Variants in CAMKMT observed in about 807,000 individuals in gnomAD.
CAMKMT encodes the protein calmodulin-lysine N-methyltransferase.
In CAMKMT, 53 loss-of-function variants were observed where a neutral mutation model predicts 48.0. The observed-to-expected ratio is 1.10, with a 90% confidence interval of 0.89 to 1.39. CAMKMT has a LOEUF of 1.39. Ranked by LOEUF, CAMKMT falls within the 40% of genes most tolerant of loss-of-function variation. The pLI is 0.00. For synonymous variants in CAMKMT, 165 were observed against 152.3 expected (o/e 1.08, Z -0.61); for missense variants, 428 against 402.7 (o/e 1.06, Z -0.54).
intron 1 of CAMKMT, among the ~76,000 whole-genome samples, chr2:44,365,734 G>C (rs2104334682): frequency 6.6e-6 from 1 of 152,310 alleles, no homozygotes; most frequent in African/African-American, 2.4e-5. Context: ...ATTACATAGA[G>C]TGAGAGAGGG....
intron 3 of CAMKMT, among the ~76,000 whole-genome samples, chr2:44,608,356 G>A (rs1671414493): frequency 6.6e-6 from 1 of 152,038 alleles, no homozygotes; most frequent in African/African-American, 2.4e-5. Flanking sequence ...ACAGGCATGA[G>A]CCACCGCACC....
intron 7 of CAMKMT, among the ~76,000 whole-genome samples, chr2:44,732,623 C>G (rs904804220): frequency 1.3e-5 from 2 of 152,202 alleles, no homozygotes; most frequent in Non-Finnish European, 2.9e-5. Context: ...GCACATGTCA[C>G]CATGCCCAGC....
chr2:44,698,938 G>T (rs1433710980), intron 3 of CAMKMT, among the ~76,000 whole-genome samples: 1 of 152,184 alleles, frequency 6.6e-6, no homozygotes, highest in African/African-American at 2.4e-5. Context: ...ATCTTCACCA[G>T]GAATTGATTC....
At chr2:44,444,727 G>A (rs1045965877) in intron 3 of CAMKMT, among the ~76,000 whole-genome samples, 4 of 152,210 alleles carry the variant, frequency 2.6e-5, no homozygotes, top group South Asian at 4.2e-4. Flanking sequence ...GAATAAATAG[G>A]GTGCCCATCA....
rs575833460 is a variant in CAMKMT at position 44,711,565 on chromosome 2, C to A, written c.557-3722C>A. On this transcript the variant is annotated intron_variant, in intron 6 of 10. Coordinates refer to ENST00000378494, the MANE Select transcript of CAMKMT (RefSeq NM_024766.5). Reference sequence around the variant, plus strand: ...TTCTGGGCTCAAGCTATCCTCCTGCCTCCACCTCCCTAAGTGTTGGGATTA... The same window carrying A: ...TTCTGGGCTCAAGCTATCCTCCTGCATCCACCTCCCTAAGTGTTGGGATTA... 2.6e-5 allele frequency among the ~76,000 whole-genome samples: 4 copies of A among 152,310 alleles called. No homozygotes were observed. The East Asian group carries it at 7.7e-4, about 29-fold the overall frequency.
chr2:44,663,690 C>G (rs1024956503), intron 3 of CAMKMT, among the ~76,000 whole-genome samples: 3 of 152,152 alleles, frequency 2.0e-5, no homozygotes, highest in African/African-American at 7.2e-5. Flanking sequence ...TTTTAATTGC[C>G]TATAACATTT....
At chr2:44,627,991 C>G (rs1339384368) in intron 3 of CAMKMT, among the ~76,000 whole-genome samples, 1 of 152,106 alleles carries the variant, frequency 6.6e-6, no homozygotes, top group African/African-American at 2.4e-5. Flanking sequence ...GCATGAGCCA[C>G]CATGCCTAGC....
chr2:44,383,505 A>G (rs1680470347), intron 2 of CAMKMT, among the ~76,000 whole-genome samples: 1 of 151,874 alleles, frequency 6.6e-6, no homozygotes, highest in African/African-American at 2.4e-5. Flanking sequence ...TTTTTCCATA[A>G]GTTATTGGGG....
At chr2:44,383,535 CA>C (rs1558560183) in intron 2 of CAMKMT, among the ~76,000 whole-genome samples, 2 of 152,044 alleles carry the variant, frequency 1.3e-5, no homozygotes, top group African/African-American at 4.8e-5. Context: ...TATTTGGTTG[CA>C]TAAGTAAGTT....
At chr2:44,730,844 A>C (rs1679043047) in intron 7 of CAMKMT, among the ~76,000 whole-genome samples, 1 of 152,238 alleles carries the variant, frequency 6.6e-6, no homozygotes, top group Admixed American at 6.5e-5. Flanking sequence ...GAAGTGACAT[A>C]AAAGAAACTG....
chr2:44,585,370 G>T (rs1307487822), intron 3 of CAMKMT, among the ~76,000 whole-genome samples: 1 of 152,194 alleles, frequency 6.6e-6, no homozygotes, highest in African/African-American at 2.4e-5. Context: ...AAAGGATTTT[G>T]ATTCAGCCAC....
At chr2:44,421,180 T>G (rs1027066797) in intron 3 of CAMKMT, among the ~76,000 whole-genome samples, 4 of 152,186 alleles carry the variant, frequency 2.6e-5, no homozygotes, top group Non-Finnish European at 5.9e-5. Context: ...TAATGTCTCC[T>G]CAGAATGGTT....
chr2:44,364,600 G>C (rs374337848), intron 1 of CAMKMT, among the ~76,000 whole-genome samples: 2 of 152,320 alleles, frequency 1.3e-5, no homozygotes, highest in African/African-American at 4.8e-5. Flanking sequence ...TGGAAAGCCT[G>C]AGAGTAAGGA....
intron 3 of CAMKMT, among the ~76,000 whole-genome samples, chr2:44,520,545 C>T (rs938328161): frequency 6.6e-6 from 1 of 152,152 alleles, no homozygotes; most frequent in Non-Finnish European, 1.5e-5. Flanking sequence ...AAGTGATGGT[C>T]ATGGTACCTG....
At chr2:44,395,113 C>G in intron 3 of CAMKMT, 1 of 375,736 alleles carries the variant, frequency 2.7e-6, no homozygotes, top group South Asian at 1.9e-5. Context: ...GAAATATGGT[C>G]TAAATTTTTA....
chr2:44,658,389 C>G (rs890713746), intron 3 of CAMKMT, among the ~76,000 whole-genome samples: 1 of 152,124 alleles, frequency 6.6e-6, no homozygotes, highest in Non-Finnish European at 1.5e-5. Context: ...AAAGGGGGCA[C>G]CGGGTGTGCT....
In CAMKMT at chr2:44,623,494, A is replaced by C. The variant is rs529017988; in HGVS notation, c.377-80789A>C. The stretch of plus-strand genomic sequence containing the variant: ...TAAGTCTTTAATCCATCTTGAGTTA[A>C]TTTTTTTATATGGTGATAGCTAGGG... On this transcript the variant is annotated intron_variant, in intron 3 of 10. Coordinates refer to ENST00000378494, the MANE Select transcript of CAMKMT (RefSeq NM_024766.5). Among the ~76,000 whole-genome samples the C allele has an allele frequency of 3.3e-5, 5 of 152,190 alleles. No individual in the cohort carries two copies. The East Asian group carries it at 9.6e-4, about 29-fold the overall frequency.
At chr2:44,375,160 C>T (rs1483506663) in intron 2 of CAMKMT, among the ~76,000 whole-genome samples, 1 of 151,036 alleles carries the variant, frequency 6.6e-6, no homozygotes, top group African/African-American at 2.4e-5. Flanking sequence ...CCATGCCTGG[C>T]CAGGGTTTCT....
intron 3 of CAMKMT, among the ~76,000 whole-genome samples, chr2:44,401,343 G>A (rs938875809): frequency 1.3e-5 from 2 of 152,052 alleles, no homozygotes; most frequent in Non-Finnish European, 2.9e-5. Flanking sequence ...GATCACCTGA[G>A]GTCAGGAGTT....
Sources: allele counts gnomAD v4.1 joint callset (sites outside exome capture counted in the v4.1 genomes callset), GRCh38; gene constraint gnomAD v4.1.1; transcripts MANE v1.5; gene names NCBI Gene and HGNC (gene_info 2026-07-23, HGNC 2026-07-21).